Variants in C11orf65 observed in about 807,000 individuals in gnomAD.
C11orf65 encodes the protein chromosome 11 open reading frame 65.
C11orf65 carries 38 observed loss-of-function variants against 35.3 expected under a neutral mutation model. That is an observed-to-expected ratio of 1.08 (90% confidence interval 0.83 to 1.41). C11orf65 has a LOEUF of 1.41. Among genes scored for constraint, C11orf65 ranks in the 40% most tolerant of loss-of-function variants. C11orf65 has a pLI of 0.00. For missense variants in C11orf65, 370 were observed against 367.1 expected (o/e 1.01, Z -0.06); for synonymous variants, 105 against 114.4 (o/e 0.92, Z 0.53).
chr11:108,438,636 T>C (rs777036646), intron 2 of C11orf65, among the ~76,000 whole-genome samples: 2 of 151,702 alleles, frequency 1.3e-5, no homozygotes, highest in African/African-American at 4.8e-5. Context: ...CTTCATGACG[T>C]TGGATTTGGT....
At chr11:108,428,706 A>C (rs1017748380) in intron 3 of C11orf65, among the ~76,000 whole-genome samples, 1 of 152,196 alleles carries the variant, frequency 6.6e-6, no homozygotes, top group Non-Finnish European at 1.5e-5. Flanking sequence ...AGAAATACCT[A>C]ATGTAGATGA....
chr11:108,433,241 T>TTA (rs572182230), intron 2 of C11orf65, among the ~76,000 whole-genome samples: 103 of 148,776 alleles, frequency 6.9e-4, no homozygotes, highest in African/African-American at 1.9e-3. Context: ...AAAAAAAAAT[T>TTA]TATATATATA....
chr11:108,315,699 T>G (rs1459395681), intron 6 of C11orf65: 4 of 741,972 alleles, frequency 5.4e-6, no homozygotes, highest in Non-Finnish European at 9.2e-6. Flanking sequence ...CATTACATTT[T>G]ATTTCTATAA....
chr11:108,379,315 A>C (rs1049085394), downstream of C11orf65, among the ~76,000 whole-genome samples: 2 of 152,192 alleles, frequency 1.3e-5, no homozygotes, highest in African/African-American at 2.4e-5. Flanking sequence ...TGATGGGTTC[A>C]TGTCCTTTGT....
chr11:108,433,557 G>T (rs1454480941), intron 2 of C11orf65, among the ~76,000 whole-genome samples: 2 of 150,232 alleles, frequency 1.3e-5, no homozygotes, highest in Non-Finnish European at 3.0e-5. Context: ...TCCAGCCTGG[G>T]TGACAGAGTG....
intron 3 of C11orf65, among the ~76,000 whole-genome samples, chr11:108,426,128 G>C (rs1328725610): frequency 1.3e-5 from 2 of 152,098 alleles, no homozygotes; most frequent in East Asian, 3.8e-4. Flanking sequence ...TTTCAACATA[G>C]TATTGGAAGT....
At chr11:108,424,957 T>A (rs963473224) in intron 3 of C11orf65, among the ~76,000 whole-genome samples, 3 of 152,066 alleles carry the variant, frequency 2.0e-5, no homozygotes, top group Non-Finnish European at 4.4e-5. Context: ...TTGAAACCAA[T>A]GAGAACAAAG....
chr11:108,359,222 G>A (rs1591348877), intron 2 of C11orf65, among the ~76,000 whole-genome samples: 1 of 151,540 alleles, frequency 6.6e-6, no homozygotes, highest in Admixed American at 6.6e-5. Flanking sequence ...ATGGTAAAGG[G>A]ATCAATTCAA....
rs3212321 is a variant in C11orf65, at chr11:108,315,926, T to C, written c.641-6855A>G. 3,898 of 1,608,674 alleles carry C rather than the reference T, an allele frequency of 2.4e-3. 92 individuals carry two copies. The African/African-American group carries it at 0.044, about 18-fold the overall frequency. On this transcript the variant is annotated intron_variant, in intron 6 of 6. Coordinates refer to the C11orf65 transcript ENST00000525729. ...CCCATTACTAGGTAAATTGCATTTT[T>C]CTAAACAACGGTATAGTAATTCTGT...
Position 108,364,706 on chromosome 11 carries a change from A to G in C11orf65, c.226+28502T>C, listed in dbSNP as rs141781436. On this transcript the variant is annotated intron_variant, in intron 2 of 3. Transcript: ENST00000524755. Reference sequence around the variant, plus strand: ...CTCTCCAGTTCCCACATCCCAATCTATACCTTGAGACAGCCTGGGCTGAGG... The same window carrying G: ...CTCTCCAGTTCCCACATCCCAATCTGTACCTTGAGACAGCCTGGGCTGAGG... Among the ~76,000 whole-genome samples, 20 of 152,302 alleles carry G rather than the reference A, an allele frequency of 1.3e-4. No individual in the cohort carries two copies. In the East Asian group the frequency reaches 3.9e-3, roughly 29 times the overall value.
At chr11:108,425,491 T>C (rs1388852353) in intron 3 of C11orf65, among the ~76,000 whole-genome samples, 1 of 152,072 alleles carries the variant, frequency 6.6e-6, no homozygotes, top group African/African-American at 2.4e-5. Flanking sequence ...GTTCTGAAAT[T>C]GAGGCAGTAA....
intron 3 of C11orf65, among the ~76,000 whole-genome samples, chr11:108,430,292 CTAA>C (rs2092967549): frequency 9.2e-6 from 1 of 108,678 alleles, no homozygotes; most frequent in African/African-American, 3.3e-5. Flanking sequence ...CCACGCCTGG[CTAA>C]TTTTTTTTTT....
At chr11:108,310,044 G>A in intron 6 of C11orf65, 1 of 1,086,016 alleles carries the variant, frequency 9.2e-7, no homozygotes, top group South Asian at 1.5e-5. Flanking sequence ...TGTGGTTTTT[G>A]GGAATTTGTA....
intron 2 of C11orf65, among the ~76,000 whole-genome samples, chr11:108,375,979 C>T (rs1405323918): frequency 2.0e-5 from 3 of 152,176 alleles, no homozygotes; most frequent in Non-Finnish European, 4.4e-5. Flanking sequence ...CACCCAGATT[C>T]ATAAAGCAAG....
chr11:108,429,426 C>T (rs547045623), intron 3 of C11orf65, among the ~76,000 whole-genome samples: 1 of 146,056 alleles, frequency 6.8e-6, no homozygotes, highest in Non-Finnish European at 1.5e-5. Context: ...TAATAAAAAT[C>T]AAAGGAAAGA....
At chr11:108,408,563 C>A (rs1418755679) in intron 3 of C11orf65, among the ~76,000 whole-genome samples, 1 of 151,622 alleles carries the variant, frequency 6.6e-6, no homozygotes, top group Non-Finnish European at 1.5e-5. Flanking sequence ...GTAATTCCAG[C>A]TACTCTGGAG....
At chr11:108,332,364 G>A (rs1296920388) in intron 3 of C11orf65, among the ~76,000 whole-genome samples, 1 of 152,050 alleles carries the variant, frequency 6.6e-6, no homozygotes, top group Non-Finnish European at 1.5e-5. Context: ...CTCGGGAGGC[G>A]GAGGTTGCAG....
rs781557991 is a variant in C11orf65, at chr11:108,335,989, C to T, written c.227-697G>A. 2 of 1,531,610 alleles carry T rather than the reference C, an allele frequency of 1.3e-6. No individual in the cohort carries two copies. Among genetic ancestry groups the T allele is most frequent in the South Asian group, 1.1e-5 (1 of 89,316 alleles). 94.9% of individuals were successfully genotyped at this position (1,531,610 alleles called of 1,614,324 possible). A position where few individuals can be genotyped will look rare whatever the true frequency, so the allele number is the denominator to read the frequency against. On this transcript the variant is annotated intron_variant, in intron 2 of 3. Coordinates refer to the C11orf65 transcript ENST00000524755. ...AACTATTTGTACTTCTGTTAGTTCA[C>T]CAAAAACATATAAAAGATGCCATTT...
chr11:108,353,531 T>C (rs571036427), intron 2 of C11orf65, among the ~76,000 whole-genome samples: 1 of 152,198 alleles, frequency 6.6e-6, no homozygotes, highest in Non-Finnish European at 1.5e-5. Context: ...CCCTTTAACC[T>C]AGATTTCTCT....
Sources: gnomAD v4.1 joint callset for allele counts (sites outside exome capture counted in the v4.1 genomes callset) on GRCh38, gnomAD v4.1.1 for gene constraint, MANE v1.5 for transcripts, NCBI Gene and HGNC (gene_info 2026-07-23, HGNC 2026-07-21) for gene names.